The following PTPRD variants were observed in gnomAD, a reference collection of about 807,000 sequenced individuals.
The protein encoded by PTPRD is protein tyrosine phosphatase receptor type D.
In PTPRD, 34 loss-of-function variants were observed where a neutral mutation model predicts 214.5. The ratio of observed to expected loss-of-function variants is 0.16; its 90% CI spans 0.12 to 0.21. The LOEUF is 0.21. Among genes scored for constraint, PTPRD ranks in the 10% least tolerant of loss-of-function variants. PTPRD has a pLI of 1.00. For missense variants in PTPRD, 2,545 were observed against 2,398.7 expected, an observed-to-expected ratio of 1.06 and a Z score of -1.27; for synonymous variants, 1,128 against 845.7, an observed-to-expected ratio of 1.33 and a Z score of -5.79.
At position 8,315,916 on chromosome 9, in the gene PTPRD, T is replaced by C; in HGVS notation, c.*1958A>G. 4.5e-6 allele frequency: 1 copy of C among 221,548 alleles called. No individual in the cohort carries two copies. The highest frequency in any genetic ancestry group is 8.8e-6 in the Non-Finnish European group (1 of 113,254). The allele number at this position is 221,548 out of a possible 1,614,324, so 13.7% of individuals were successfully genotyped here. A position where few individuals can be genotyped will look rare whatever the true frequency, so the allele number is the denominator to read the frequency against. On this transcript the variant is annotated 3_prime_UTR_variant, in exon 46 of 46. Transcript: ENST00000381196. Reference sequence around the variant, plus strand: ...TCCATGGCTTCCTATAGAAATTCTGTTGGAAGAATTGGGGGTAAGATACAT... The same window carrying C: ...TCCATGGCTTCCTATAGAAATTCTGCTGGAAGAATTGGGGGTAAGATACAT...
intron 12 of PTPRD, among the ~76,000 whole-genome samples, chr9:8,647,989 C>T (rs1430774257): frequency 1.3e-5 from 2 of 152,216 alleles, no homozygotes; most frequent in African/African-American, 4.8e-5. Flanking sequence ...CAGTTGCCTT[C>T]AACATCTCTG....
intron 10 of PTPRD, among the ~76,000 whole-genome samples, chr9:9,055,813 AATATTTAAT>A (rs1230491174): frequency 2.0e-5 from 3 of 149,612 alleles, no homozygotes; most frequent in Non-Finnish European, 4.4e-5. Flanking sequence ...AACTAGATTA[AATATTTAAT>A]ATATTTAATG....
chr9:9,433,004 T>A (rs1357958496), intron 8 of PTPRD, among the ~76,000 whole-genome samples: 2 of 151,952 alleles, frequency 1.3e-5, no homozygotes, highest in Non-Finnish European at 2.9e-5. Context: ...ATCAGAGGGG[T>A]ATAATATGTG....
In PTPRD at chr9:10,555,897, G is replaced by A. The variant is rs150284843; in HGVS notation, c.-600+56501C>T. On this transcript the variant is annotated intron_variant, in intron 2 of 45. Coordinates refer to ENST00000381196, the MANE Select transcript of PTPRD (RefSeq NM_002839.4). The stretch of plus-strand genomic sequence containing the variant: ...TAGTGAATAAAATAAAAAGGTCATG[G>A]TGGGGCAGAAGAATAAAGAGCGTGA... Among the ~76,000 whole-genome samples the A allele has an allele frequency of 4.9e-3, 750 of 152,162 alleles. 8 individuals carry two copies. Among genetic ancestry groups the A allele is most frequent in the African/African-American group, 0.017 (696 of 41,536 alleles).
At chr9:9,515,203 A>G (rs1393700336) in intron 8 of PTPRD, among the ~76,000 whole-genome samples, 1 of 152,032 alleles carries the variant, frequency 6.6e-6, no homozygotes, top group Non-Finnish European at 1.5e-5. Flanking sequence ...ACTTCAATCT[A>G]TGCCTGTAGC....
At chr9:8,538,514 C>A (rs1353659843) in intron 14 of PTPRD, among the ~76,000 whole-genome samples, 2 of 151,670 alleles carry the variant, frequency 1.3e-5, no homozygotes, top group East Asian at 3.9e-4. Context: ...AATAAATTTT[C>A]TAAGCCATCA....
intron 11 of PTPRD, among the ~76,000 whole-genome samples, chr9:8,929,156 C>G (rs200152909): frequency 6.6e-6 from 1 of 152,144 alleles, no homozygotes; most frequent in Non-Finnish European, 1.5e-5. Context: ...TGACTTCCTC[C>G]TTTCCTAACT....
intron 3 of PTPRD, among the ~76,000 whole-genome samples, chr9:10,118,340 T>C (rs1267257371): frequency 6.6e-6 from 1 of 151,580 alleles, no homozygotes; most frequent in African/African-American, 2.4e-5. Flanking sequence ...TATATTAATG[T>C]ACATATCTTT....
At chr9:9,261,586 C>T (rs1320217787) in intron 9 of PTPRD, among the ~76,000 whole-genome samples, 1 of 151,058 alleles carries the variant, frequency 6.6e-6, no homozygotes, top group Non-Finnish European at 1.5e-5. Context: ...GAAGGGGTGG[C>T]GGTTGGTAGA....
intron 7 of PTPRD, among the ~76,000 whole-genome samples, chr9:9,666,279 G>A (rs1202483922): frequency 1.3e-5 from 2 of 152,024 alleles, no homozygotes; most frequent in African/African-American, 4.8e-5. Flanking sequence ...AATTCAAAAG[G>A]ATGAGTAGGA....
chr9:10,070,793 A>C (rs2097993650), intron 3 of PTPRD, among the ~76,000 whole-genome samples: 1 of 151,950 alleles, frequency 6.6e-6, no homozygotes, highest in South Asian at 2.1e-4. Context: ...TCCACCGGCC[A>C]CTATCATATA....
intron 5 of PTPRD, among the ~76,000 whole-genome samples, chr9:9,845,016 A>ATG (rs1165333969): frequency 6.8e-6 from 1 of 147,270 alleles, no homozygotes; most frequent in Non-Finnish European, 1.5e-5. Flanking sequence ...GAAATACTGT[A>ATG]TGTATATATA....
At chr9:9,724,810 C>A (rs1308256559) in intron 7 of PTPRD, among the ~76,000 whole-genome samples, 1 of 152,126 alleles carries the variant, frequency 6.6e-6, no homozygotes, top group Non-Finnish European at 1.5e-5. Context: ...CATTAAATAA[C>A]TCACCCAAGT....
At chr9:8,761,250 G>C (rs990444783) in intron 11 of PTPRD, among the ~76,000 whole-genome samples, 14 of 152,310 alleles carry the variant, frequency 9.2e-5, no homozygotes, top group Middle Eastern at 6.8e-3. Flanking sequence ...GGTGGGGACA[G>C]AAAATAGAAG....
chr9:10,308,577 T>A (rs1055416320), intron 3 of PTPRD, among the ~76,000 whole-genome samples: 1 of 152,006 alleles, frequency 6.6e-6, no homozygotes, highest in African/African-American at 2.4e-5. Flanking sequence ...ATTTAAAGAT[T>A]TTATTCTATT....
intron 9 of PTPRD, among the ~76,000 whole-genome samples, chr9:9,333,290 A>G (rs922174294): frequency 4.6e-5 from 7 of 151,778 alleles, no homozygotes; most frequent in East Asian, 3.9e-4. Context: ...AAAGGCAGAA[A>G]GAAGGCACTT....
chr9:9,388,571 G>C, intron 9 of PTPRD, among the ~76,000 whole-genome samples: 1 of 152,158 alleles, frequency 6.6e-6, no homozygotes, highest in Non-Finnish European at 1.5e-5. Context: ...AGAAAGCAAT[G>C]GTGAATGATT....
At chr9:9,157,723 T>A (rs2099882484) in intron 10 of PTPRD, among the ~76,000 whole-genome samples, 2 of 152,318 alleles carry the variant, frequency 1.3e-5, no homozygotes, top group South Asian at 4.1e-4. Context: ...TTCTTTCAAC[T>A]TTTATTTAAA....
intron 7 of PTPRD, among the ~76,000 whole-genome samples, chr9:9,702,274 A>C (rs1400037471): frequency 6.6e-6 from 1 of 152,230 alleles, no homozygotes; most frequent in African/African-American, 2.4e-5. Flanking sequence ...TGTAATCTAA[A>C]GAGAACTTTG....
Sources: gnomAD v4.1 joint callset for allele counts (sites outside exome capture counted in the v4.1 genomes callset) on GRCh38, gnomAD v4.1.1 for gene constraint, MANE v1.5 for transcripts, NCBI Gene and HGNC (gene_info 2026-07-23, HGNC 2026-07-21) for gene names.